SPAG16: variants seen among roughly 807,000 people sequenced by gnomAD.
SPAG16 encodes the protein sperm-associated antigen 16 protein.
A neutral mutation model predicts 80.4 loss-of-function variants in SPAG16; 86 were observed. That is an observed-to-expected ratio of 1.07 (90% CI 0.90 to 1.28). The LOEUF is 1.28. Among genes scored for constraint, SPAG16 ranks in the 50% most tolerant of loss-of-function variants. SPAG16 has a pLI of 0.00. For synonymous variants in SPAG16, 294 were observed against 265.9 expected, an observed-to-expected ratio of 1.11 and a Z score of -1.03; for missense variants, 870 against 765.3, an observed-to-expected ratio of 1.14 and a Z score of -1.61.
At chr2:214,116,620 T>C (rs2053948420) in intron 14 of SPAG16, among the ~76,000 whole-genome samples, 1 of 152,184 alleles carries the variant, frequency 6.6e-6, no homozygotes, top group Non-Finnish European at 1.5e-5. Context: ...CGCAGAGACC[T>C]GCTGGGAAGC....
rs1395025475 is a variant in SPAG16 at position 213,805,628 on chromosome 2, G to A, written c.1071-56857G>A. On this transcript the variant is annotated intron_variant, in intron 10 of 15. Coordinates refer to ENST00000331683, the MANE Select transcript of SPAG16 (RefSeq NM_024532.5). ...CTGGATAACCACTTATAATAATAGT[G>A]TAGAAAATATTCATCTTTTGGGCAG... Among the ~76,000 whole-genome samples the A allele has an allele frequency of 2.0e-5, 3 of 152,138 alleles. No homozygotes were observed. In the South Asian group the frequency reaches 6.2e-4, roughly 31 times the overall value.
intron 15 of SPAG16, among the ~76,000 whole-genome samples, chr2:214,229,164 A>T (rs962307798): frequency 7.3e-5 from 11 of 150,824 alleles, no homozygotes; most frequent in Non-Finnish European, 3.0e-5. Flanking sequence ...GGAAAAAAAA[A>T]AAGGATAATT....
intron 10 of SPAG16, among the ~76,000 whole-genome samples, chr2:213,594,433 T>C (rs2060815885): frequency 6.6e-6 from 1 of 152,250 alleles, no homozygotes. Context: ...TAAGTTTCAT[T>C]GCAAGCCTCA....
rs543882588 is a variant in SPAG16, at chr2:213,793,029, C to T, written c.1071-69456C>T. On this transcript the variant is annotated intron_variant, in intron 10 of 15. Coordinates refer to ENST00000331683, the MANE Select transcript of SPAG16 (RefSeq NM_024532.5). ...GCAATCTCTGCCTCCTGGGTTCAAG[C>T]GATTCTCCTGCCTCAGCCTCCCAAA... Among the ~76,000 whole-genome samples, 23 of 152,076 alleles carry T rather than the reference C, an allele frequency of 1.5e-4. No individual in the cohort carries two copies. In the East Asian group the frequency reaches 1.9e-3, roughly 13 times the overall value.
chr2:213,913,543 T>C lies in SPAG16; in HGVS notation c.1215-16417T>C, dbSNP rs561484540. Among the ~76,000 whole-genome samples, 4 of 150,970 alleles carry C rather than the reference T, an allele frequency of 2.6e-5. No individual in the cohort carries two copies. The East Asian group carries it at 7.8e-4, about 29-fold the overall frequency. ...GTATGTTGATGTGTATATATACATA[T>C]GTATTGTGTGTATCTCTCTGTGTGT... On this transcript the variant is annotated intron_variant, in intron 11 of 15. Transcript: ENST00000331683.
chr2:213,297,014 T>C (rs1438032752), intron 2 of SPAG16: 3 of 1,256,028 alleles, frequency 2.4e-6, no homozygotes, highest in Non-Finnish European at 3.1e-6. Flanking sequence ...TTACATTTTC[T>C]ATTATAGATA....
chr2:213,398,613 C>T (rs1352706322), intron 9 of SPAG16, among the ~76,000 whole-genome samples: 6 of 152,152 alleles, frequency 3.9e-5, no homozygotes, highest in African/African-American at 1.4e-4. Context: ...TAAAGCTTTA[C>T]TCAAATGTTC....
At chr2:213,482,613 G>T (rs2073803034) in intron 9 of SPAG16, among the ~76,000 whole-genome samples, 1 of 151,742 alleles carries the variant, frequency 6.6e-6, no homozygotes, top group Non-Finnish European at 1.5e-5. Context: ...TGAGATTTAG[G>T]TTTAGGTATA....
chr2:213,961,611 G>C (rs1364850068), intron 12 of SPAG16, among the ~76,000 whole-genome samples: 4 of 130,944 alleles, frequency 3.1e-5, no homozygotes, highest in Admixed American at 7.5e-5. Flanking sequence ...GCTGGATTTT[G>C]ATAAATGTTT....
intron 12 of SPAG16, among the ~76,000 whole-genome samples, chr2:213,939,906 T>C (rs1214204380): frequency 1.3e-5 from 2 of 152,188 alleles, no homozygotes; most frequent in African/African-American, 4.8e-5. Flanking sequence ...ATGTCTTATA[T>C]ATGCAGACAA....
At chr2:213,849,518 C>G (rs2074799687) in intron 10 of SPAG16, among the ~76,000 whole-genome samples, 1 of 151,914 alleles carries the variant, frequency 6.6e-6, no homozygotes, top group South Asian at 2.1e-4. Context: ...AAAATAGATA[C>G]AAAAAAGTCA....
At chr2:213,753,832 G>A (rs1024611915) in intron 10 of SPAG16, among the ~76,000 whole-genome samples, 11 of 152,184 alleles carry the variant, frequency 7.2e-5, no homozygotes, top group Non-Finnish European at 1.5e-4. Flanking sequence ...GAAGACATGT[G>A]TGGTCTTAGG....
chr2:214,135,715 G>GTCTCTCTGTCTCTCTCTCTCTCTCTC (rs2055012778), intron 14 of SPAG16, among the ~76,000 whole-genome samples: 2 of 139,218 alleles, frequency 1.4e-5, no homozygotes, highest in African/African-American at 2.8e-5. Context: ...CTCTCTCTCT[G>GTCTCTCTGTCTCTCTCTCTCTCTCTC]TCTCTCTGTC....
At chr2:213,384,149 A>G (rs947218275) in intron 9 of SPAG16, among the ~76,000 whole-genome samples, 1 of 152,176 alleles carries the variant, frequency 6.6e-6, no homozygotes, top group African/African-American at 2.4e-5. Context: ...TATGATGAGA[A>G]CATCCACATC....
At chr2:214,098,087 A>T (rs2052731033) in intron 13 of SPAG16, among the ~76,000 whole-genome samples, 1 of 152,128 alleles carries the variant, frequency 6.6e-6, no homozygotes, top group Non-Finnish European at 1.5e-5. Flanking sequence ...AAGTCTGTTT[A>T]GATATGTATT....
intron 10 of SPAG16, among the ~76,000 whole-genome samples, chr2:213,504,687 G>A (rs2074888518): frequency 6.6e-6 from 1 of 152,164 alleles, no homozygotes; most frequent in Non-Finnish European, 1.5e-5. Context: ...ATAATGGCAA[G>A]CTGCTAGGCT....
chr2:213,380,421 C>G (rs2067110797), intron 9 of SPAG16, among the ~76,000 whole-genome samples: 1 of 152,204 alleles, frequency 6.6e-6, no homozygotes, highest in Non-Finnish European at 1.5e-5. Flanking sequence ...AGACAGAAGG[C>G]AGGGTGACAG....
intron 15 of SPAG16, among the ~76,000 whole-genome samples, chr2:214,389,746 C>T (rs79261505): frequency 0.035 from 5,316 of 152,292 alleles, 121 homozygotes; most frequent in Non-Finnish European, 0.053. Context: ...TTTTTTGAAT[C>T]CATTTTTACT....
At position 213,350,577 on chromosome 2, in the gene SPAG16, G is replaced by T. The variant is rs775088314; in HGVS notation, c.694G>T (p.Glu232Ter). Residue 232 changes from glutamate (E) to a stop codon, truncating the protein, a stop_gained, in exon 7 of 16, where the codon GAG becomes TAG. Transcript: ENST00000331683. LOFTEE classifies it high-confidence loss of function. ...SYEPTIRVLH[E>*]KHHTLLKEKM... ...TGAACCGACTATAAGGGTGTTACAT[G>T]AGAAACACCACACTTTACTGAAGGA... The T allele has an allele frequency of 2.1e-5, 34 of 1,601,098 alleles. No homozygotes were observed. The highest frequency in any genetic ancestry group is 3.3e-4 in the Middle Eastern group (2 of 5,994).
Sources: gnomAD v4.1 joint callset for allele counts (sites outside exome capture counted in the v4.1 genomes callset) on GRCh38, gnomAD v4.1.1 for gene constraint, MANE v1.5 for transcripts, NCBI Gene and HGNC (gene_info 2026-07-23, HGNC 2026-07-21) for gene names.